MEI4: variants seen among roughly 807,000 people sequenced by gnomAD.
MEI4 encodes the protein meiosis-specific protein MEI4.
A neutral mutation model predicts 31.4 loss-of-function variants in MEI4; 27 were observed. The ratio of observed to expected loss-of-function variants is 0.86; its 90% CI spans 0.63 to 1.19. MEI4 has a LOEUF of 1.19. Ranked by LOEUF, MEI4 falls within the 50% of genes most tolerant of loss-of-function variation. The pLI is 0.00. For synonymous variants in MEI4, 122 were observed against 145.4 expected (o/e 0.84, Z 1.16); for missense variants, 329 against 398.9 (o/e 0.82, Z 1.49).
At chr6:77,762,838 C>T (rs904061624) in intron 3 of MEI4, among the ~76,000 whole-genome samples, 3 of 152,060 alleles carry the variant, frequency 2.0e-5, no homozygotes, top group African/African-American at 7.2e-5. Flanking sequence ...TGGACATGGT[C>T]AATCAGGAAT....
At chr6:77,880,421 C>T (rs577135156) in intron 4 of MEI4, among the ~76,000 whole-genome samples, 1 of 151,866 alleles carries the variant, frequency 6.6e-6, no homozygotes, top group Non-Finnish European at 1.5e-5. Context: ...TTAGTAGAGA[C>T]GGGGTTTCAC....
At chr6:77,737,604 G>A (rs9448188) in intron 2 of MEI4, among the ~76,000 whole-genome samples, 48,961 of 151,782 alleles carry the variant, frequency 0.32, 8,208 homozygotes, top group East Asian at 0.48. Context: ...ACCTTTCTGA[G>A]GAAGGGACAT....
At chr6:77,735,270 C>T (rs1451311993) in intron 2 of MEI4, among the ~76,000 whole-genome samples, 7 of 151,942 alleles carry the variant, frequency 4.6e-5, no homozygotes, top group African/African-American at 1.7e-4. Flanking sequence ...TTCAGGTACA[C>T]CAATCAGACG....
At chr6:77,684,072 G>A (rs555615617) in intron 1 of MEI4, among the ~76,000 whole-genome samples, 35 of 152,186 alleles carry the variant, frequency 2.3e-4, no homozygotes, top group African/African-American at 8.4e-4. Flanking sequence ...TTTAACTTGG[G>A]TAAGATGATA....
intron 1 of MEI4, among the ~76,000 whole-genome samples, chr6:77,654,270 G>GT (rs1243635527): frequency 1.3e-5 from 2 of 152,138 alleles, no homozygotes; most frequent in African/African-American, 4.8e-5. Context: ...AGATAGACTT[G>GT]TTTTGTTGAC....
chr6:77,868,137 G>A (rs1771095031), intron 4 of MEI4, among the ~76,000 whole-genome samples: 1 of 151,494 alleles, frequency 6.6e-6, no homozygotes, highest in Non-Finnish European at 1.5e-5. Flanking sequence ...ATTAATGGGT[G>A]CAGCACACCA....
rs373685546 is a variant in MEI4 at position 77,695,740 on chromosome 6, A to G, written c.232+4837A>G. 6.8e-3 allele frequency among the ~76,000 whole-genome samples: 1,032 copies of G among 152,196 alleles called. 4 individuals are homozygous for G. The highest frequency in any genetic ancestry group is 0.017 in the African/African-American group (718 of 41,518). ...TCTTTTGGCTTAGGATTGACTTGGC[A>G]ATGCGGGCTCTTTTTTGGTTCCATA... On this transcript the variant is annotated intron_variant, in intron 2 of 4. Coordinates refer to ENST00000684080, the MANE Select transcript of MEI4 (RefSeq NM_001322247.2).
intron 2 of MEI4, among the ~76,000 whole-genome samples, chr6:77,751,418 TA>T: frequency 6.6e-6 from 1 of 151,410 alleles, no homozygotes. Context: ...ATAGATGAAA[TA>T]AAAAATGATA....
intron 3 of MEI4, among the ~76,000 whole-genome samples, chr6:77,808,228 G>T (rs1401244927): frequency 6.6e-6 from 1 of 152,164 alleles, no homozygotes; most frequent in Non-Finnish European, 1.5e-5. Flanking sequence ...CATAGAAAAT[G>T]ATTTGAATTT....
rs1003060903 is a variant in MEI4 at position 77,847,406 on chromosome 6, A to T, written c.900+18344A>T. ...CTTCCTTTTTTCCATAAGCATGAGAATGTATTGCTGCAGTTTTAATGGCTG... is the reference window on the plus strand; with the variant it reads ...CTTCCTTTTTTCCATAAGCATGAGATTGTATTGCTGCAGTTTTAATGGCTG... On this transcript the variant is annotated intron_variant, in intron 4 of 4. Coordinates refer to ENST00000684080, the MANE Select transcript of MEI4 (RefSeq NM_001322247.2). This position sits in a 1 kb window ranked among gnomAD's most constrained non-coding sequence, Gnocchi z 4.6. 3.3e-5 allele frequency among the ~76,000 whole-genome samples: 5 copies of T among 152,186 alleles called. No individual in the cohort carries two copies. Among genetic ancestry groups the T allele is most frequent in the African/African-American group, 9.6e-5 (4 of 41,454 alleles).
intron 4 of MEI4, among the ~76,000 whole-genome samples, chr6:77,846,437 G>A (rs974912247): frequency 2.6e-5 from 4 of 151,730 alleles, no homozygotes; most frequent in East Asian, 1.9e-4. Flanking sequence ...GGTTATTCTC[G>A]TTTCTTTAGT....
At chr6:77,731,947 G>T (rs572231127) in intron 2 of MEI4, among the ~76,000 whole-genome samples, 2 of 148,504 alleles carry the variant, frequency 1.3e-5, no homozygotes, top group African/African-American at 2.5e-5. Flanking sequence ...TACATATGCG[G>T]CATTATTTCT....
chr6:77,701,969 C>T (rs564256633), intron 2 of MEI4, among the ~76,000 whole-genome samples: 1 of 152,052 alleles, frequency 6.6e-6, no homozygotes, highest in African/African-American at 2.4e-5. Flanking sequence ...CAGGTTGGTC[C>T]CCTCACTCTT....
intron 2 of MEI4, among the ~76,000 whole-genome samples, chr6:77,747,547 G>C (rs1334910503): frequency 6.6e-6 from 1 of 152,030 alleles, no homozygotes; most frequent in Non-Finnish European, 1.5e-5. Flanking sequence ...AGTGTCATGA[G>C]AACAGCTTAG....
chr6:77,851,169 A>G (rs1265685024), intron 4 of MEI4, among the ~76,000 whole-genome samples: 13 of 152,096 alleles, frequency 8.5e-5, no homozygotes, highest in African/African-American at 3.1e-4. Context: ...AGAAATAGGA[A>G]CACTTTTACA....
intron 2 of MEI4, among the ~76,000 whole-genome samples, chr6:77,741,705 G>T (rs1158924072): frequency 4.0e-5 from 6 of 151,138 alleles, no homozygotes; most frequent in Non-Finnish European, 5.9e-5. Context: ...TGCCATGCTG[G>T]TGTGCTGCAC....
intron 2 of MEI4, among the ~76,000 whole-genome samples, chr6:77,748,085 C>A (rs538991596): frequency 2.0e-5 from 3 of 152,306 alleles, no homozygotes; most frequent in African/African-American, 7.2e-5. Flanking sequence ...CATTCAGTGC[C>A]CATGGCTTTT....
In MEI4 at chr6:77,747,178, G is replaced by T. The variant is rs1842900; in HGVS notation, c.233-13952G>T. Among the ~76,000 whole-genome samples the T allele has an allele frequency of 0.022, 3,411 of 152,034 alleles. 315 individuals carry two copies. The East Asian group carries it at 0.3, about 14-fold the overall frequency. On this transcript the variant is annotated intron_variant, in intron 2 of 4. Transcript: ENST00000684080. The stretch of plus-strand genomic sequence containing the variant: ...AATGCAAAAATTAACTGGGCATGGT[G>T]GCACACACCTGTAATCCCAGCTACT...
chr6:77,749,223 A>G (rs1357864429), intron 2 of MEI4, among the ~76,000 whole-genome samples: 1 of 152,202 alleles, frequency 6.6e-6, no homozygotes, highest in Admixed American at 6.5e-5. Context: ...CCTCCAAAGG[A>G]TCACAACTCC....
Sources: allele counts gnomAD v4.1 joint callset (sites outside exome capture counted in the v4.1 genomes callset), GRCh38; gene constraint gnomAD v4.1.1; non-coding constraint Gnocchi (gnomAD v3.1); transcripts MANE v1.5; gene names NCBI Gene and HGNC (gene_info 2026-07-23, HGNC 2026-07-21).